The following SRRM2 variants were observed in gnomAD, a reference collection of about 807,000 sequenced individuals.
SRRM2 encodes serine/arginine repetitive matrix 2, also known as serine/arginine repetitive matrix protein 2.
In SRRM2, 30 loss-of-function variants were observed where a neutral mutation model predicts 213.8. The observed-to-expected ratio is 0.14, with a 90% CI of 0.10 to 0.19. The LOEUF (loss-of-function observed/expected upper bound fraction) is 0.19, where lower values mean the gene tolerates loss of function less well. SRRM2 is among the 10% of genes least tolerant of loss of function. The probability of loss-of-function intolerance (pLI) is 1.00; values close to 1 mark genes in which losing one functional copy is unlikely to be tolerated. For synonymous variants in SRRM2, 2,025 were observed against 1,377.7 expected (o/e 1.47, Z -10.40); for missense variants, 4,904 against 3,647.0 (o/e 1.34, Z -8.88).
rs752026541 is a variant in SRRM2 at position 2,767,566 on chromosome 16, C to T, written c.7038C>T (p.Ala2346=). 1.2e-6 allele frequency: 2 copies of T among 1,614,226 alleles called. No individual in the cohort carries two copies. Among genetic ancestry groups the T allele is most frequent in the South Asian group, 2.2e-5 (2 of 91,086 alleles). The change falls in exon 11 of 15, where the codon GCC becomes GCT. Residue 2346 remains alanine, a synonymous_variant. Coordinates refer to ENST00000301740, the MANE Select transcript of SRRM2 (RefSeq NM_016333.4). ...TGGTGGGTCCTCGGTCTGCACATGCCACAGCTCCTGTGAATATTGCCGGCT... is the reference window on the plus strand; with the variant it reads ...TGGTGGGTCCTCGGTCTGCACATGCTACAGCTCCTGTGAATATTGCCGGCT... ...ANLVGPRSAH[A]TAPVNIAGSR... is the part of the protein sequence containing the mutation.
chr16:2,758,097 AGTCACAGTGG>A, intron 4 of SRRM2, 152 bp downstream of exon 4: 2 of 896,156 alleles, frequency 2.2e-6, no homozygotes, highest in Non-Finnish European at 3.4e-6. Context: ...TCCAAGGGTT[AGTCACAGTGG>A]GTCACGCGCG....
chr16:2,764,355 A>G lies in SRRM2; in HGVS notation c.3827A>G (p.Glu1276Gly), dbSNP rs1352750577. 3.2e-5 allele frequency: 52 copies of G among 1,614,068 alleles called. No homozygotes were observed. Among genetic ancestry groups the G allele is most frequent in the Non-Finnish European group, 4.2e-5 (50 of 1,180,052 alleles). The change falls in exon 11 of 15, where the codon GAA (glutamate) becomes GGA (glycine). Residue 1276 changes from glutamate to glycine, a missense_variant. By Grantham distance (98) the Glu-to-Gly change is moderately conservative. Transcript: ENST00000301740. ...SNFESSPEVEERPAVSLTLDQ... is the reference protein window; with the variant it reads ...SNFESSPEVEGRPAVSLTLDQ... ...TTTGAATCATCTCCTGAAGTAGAAG[A>G]AAGGCCTGCTGTGTCTTTGACTCTT...
At position 2,764,069 on chromosome 16, in the gene SRRM2, C is replaced by T. The variant is rs754259861; in HGVS notation, c.3541C>T (p.Pro1181Ser). The change falls in exon 11 of 15, where the codon CCT becomes TCT. Residue 1181 changes from proline to serine, a missense_variant. Coordinates refer to ENST00000301740, the MANE Select transcript of SRRM2 (RefSeq NM_016333.4). ...TCAGGAGGATGCTACTGCATCACCT[C>T]CTAGACAGAAAGACAAATTTAGTCC... is the stretch of plus-strand genomic sequence containing the variant. ...PPQEDATASP[P>S]RQKDKFSPFP... The T allele has an allele frequency of 2.5e-6, 4 of 1,614,136 alleles. No individual in the cohort carries two copies. The highest frequency in any genetic ancestry group is 1.1e-5 in the South Asian group (1 of 91,082).
rs377010387 is a variant in SRRM2, at chr16:2,756,443, C to T, written c.79C>T (p.Arg27Trp). The change falls in exon 2 of 15, where the codon CGG becomes TGG. Residue 27 changes from arginine (R) to tryptophan (W), a missense_variant. Transcript: ENST00000301740. ...CGTCCAGCGCAACCTGTCCCTGGTG[C>T]GGGGCCGCCGGGGTGAGCGGCCTGA... ...GYVQRNLSLV[R>W]GRRGERPDYK... The T allele has an allele frequency of 4.3e-5, 69 of 1,612,472 alleles. No homozygotes were observed. Among genetic ancestry groups the T allele is most frequent in the Non-Finnish European group, 5.5e-5 (65 of 1,179,436 alleles).
Position 2,765,048 on chromosome 16 carries a change from A to G in SRRM2, c.4520A>G (p.Asn1507Ser), listed in dbSNP as rs2068491269. 1 of 1,613,996 alleles carries G rather than the reference A, an allele frequency of 6.2e-7. No homozygotes were observed. The highest frequency in any genetic ancestry group is 1.3e-5 in the African/African-American group (1 of 75,032). Residue 1507 changes from asparagine to serine, a missense_variant, in exon 11 of 15, where the codon AAC becomes AGC. Physicochemically the swap from Asn to Ser is conservative, Grantham distance 46. Coordinates refer to ENST00000301740, the MANE Select transcript of SRRM2 (RefSeq NM_016333.4). ...SRSPSSPELNNKCLTPQRERS... is the reference protein window; with the variant it reads ...SRSPSSPELNSKCLTPQRERS... ...TCTCCATCATCCCCAGAGCTCAACA[A>G]CAAGTGTCTTACCCCCCAGAGAGAA... is the stretch of plus-strand genomic sequence containing the variant.
In SRRM2 at chr16:2,771,246, C is replaced by A; in HGVS notation, c.*379C>A. 1.4e-6 allele frequency: 1 copy of A among 722,854 alleles called. No homozygotes were observed. The highest frequency in any genetic ancestry group is 2.4e-6 in the Non-Finnish European group (1 of 415,856). The allele number at this position is 722,854 out of a possible 1,614,324, so 44.8% of individuals were successfully genotyped here. On this transcript the variant is annotated 3_prime_UTR_variant, in exon 15 of 15. Transcript: ENST00000301740. ...GGGACTGGAGGTTGTATAAGGTGTT[C>A]TTGGAAGGAAGGGGCAGGAGTTGGA... is the stretch of plus-strand genomic sequence containing the variant.
Position 2,766,261 on chromosome 16 carries a change from C to G in SRRM2, c.5733C>G (p.Ser1911=), listed in dbSNP as rs2068538790. ...GGACTTCAGTGACTCGACGAAGATC[C>G]CGGTCAAGAGCATCCCCAGTGAGCA... ...RSRTSVTRRR[S]RSRASPVSRR... is the part of the protein sequence containing the mutation. Residue 1911 remains serine (S), a synonymous_variant, in exon 11 of 15, where the codon TCC becomes TCG. Transcript: ENST00000301740. The surrounding 1 kb of genome is among the most constrained non-coding windows in gnomAD (Gnocchi z 7.0). The G allele has an allele frequency of 6.2e-7, 1 of 1,614,142 alleles. No individual in the cohort carries two copies. Among genetic ancestry groups the G allele is most frequent in the Non-Finnish European group, 8.5e-7 (1 of 1,180,034 alleles).
chr16:2,762,024 C>T lies in SRRM2; in HGVS notation c.1496C>T (p.Thr499Ile), dbSNP rs369444868. 3 of 1,614,122 alleles carry T rather than the reference C, an allele frequency of 1.9e-6. No homozygotes were observed. The African/African-American group carries it at 4.0e-5, about 22-fold the overall frequency. Reference sequence around the variant, plus strand: ...AAGAGAGGGCGATCTCGGTCTCGAACCCCTACCAAGAGAGGTCATTCTCGA... The same window carrying T: ...AAGAGAGGGCGATCTCGGTCTCGAATCCCTACCAAGAGAGGTCATTCTCGA... Reference protein sequence around the residue: ...TAKRGRSRSRTPTKRGHSRSR... With the variant: ...TAKRGRSRSRIPTKRGHSRSR... The change falls in exon 11 of 15, where the codon ACC becomes ATC. Residue 499 changes from threonine (T) to isoleucine (I), a missense_variant. By Grantham distance (89) the Thr-to-Ile change is moderately conservative. Transcript: ENST00000301740.
Position 2,763,261 on chromosome 16 carries a change from G to A in SRRM2, c.2733G>A (p.Arg911=), listed in dbSNP as rs750444966. The part of the protein sequence containing the change: ...SSTPPRQSPS[R]SSSPQPKVKA... ...CACCTCCCAGACAGAGCCCATCTAG[G>A]TCATCATCTCCACAACCCAAAGTGA... Residue 911 remains arginine, a synonymous_variant, in exon 11 of 15, where the codon AGG becomes AGA. Transcript: ENST00000301740. 1.9e-6 allele frequency: 3 copies of A among 1,613,840 alleles called. 1 individual carries two copies. The highest frequency in any genetic ancestry group is 2.7e-5 in the African/African-American group (2 of 74,830).
At position 2,766,970 on chromosome 16, in the gene SRRM2, G is replaced by C. The variant is rs201020156; in HGVS notation, c.6442G>C (p.Val2148Leu). ...PLGSSRTPMS[V>L]LQQAGGSMMD... is the part of the protein sequence containing the mutation. Reference sequence around the variant, plus strand: ...TGGCAGCTCTAGAACACCCATGTCTGTCCTGCAGCAAGCCGGCGGCTCCAT... The same window carrying C: ...TGGCAGCTCTAGAACACCCATGTCTCTCCTGCAGCAAGCCGGCGGCTCCAT... The change falls in exon 11 of 15, where the codon GTC (valine) becomes CTC (leucine). Residue 2148 changes from valine to leucine, a missense_variant. By Grantham distance (32) the Val-to-Leu change is conservative (BLOSUM62 1). Coordinates refer to ENST00000301740, the MANE Select transcript of SRRM2 (RefSeq NM_016333.4). The surrounding 1 kb of genome is among the most constrained non-coding windows in gnomAD (Gnocchi z 7.0). 33 of 1,614,080 alleles carry C rather than the reference G, an allele frequency of 2.0e-5. No individual in the cohort carries two copies. The highest frequency in any genetic ancestry group is 2.7e-5 in the Non-Finnish European group (32 of 1,180,026).
rs2068479364 is a variant in SRRM2, at chr16:2,764,702, G to C, written c.4174G>C (p.Glu1392Gln). The change falls in exon 11 of 15, where the codon GAA becomes CAA. Residue 1392 changes from glutamate (E) to glutamine (Q), a missense_variant. Glu to Gln is a conservative substitution (Grantham distance 29). Transcript: ENST00000301740. ...TTCTGAGTTATCCCCAGATGCAGTG[G>C]AAAAGGCAGGGATGTCTTCAAATCA... is the stretch of plus-strand genomic sequence containing the variant. Reference protein sequence around the residue: ...SSSELSPDAVEKAGMSSNQSI... With the variant: ...SSSELSPDAVQKAGMSSNQSI... 6.2e-7 allele frequency: 1 copy of C among 1,613,956 alleles called. No homozygotes were observed.
At chr16:2,754,371 C>T (rs2068066584) in intron 1 of SRRM2, among the ~76,000 whole-genome samples, 1 of 151,972 alleles carries the variant, frequency 6.6e-6, no homozygotes, top group Non-Finnish European at 1.5e-5. Context: ...CGGCTCACTG[C>T]AACCTTCCGC....
In SRRM2 at chr16:2,767,617, C is replaced by T. The variant is rs767944396; in HGVS notation, c.7089C>T (p.Pro2363=). The change falls in exon 11 of 15, where the codon CCC becomes CCT. Residue 2363 remains proline, a synonymous_variant. Transcript: ENST00000301740. ...CCAGAACCGCCGCAGCCTTGGCCCCCGCGAGCCTCACCAGTGCTAGGATGG... is the reference window on the plus strand; with the variant it reads ...CCAGAACCGCCGCAGCCTTGGCCCCTGCGAGCCTCACCAGTGCTAGGATGG... ...AGSRTAAALA[P]ASLTSARMAP... 23 of 1,614,058 alleles carry T rather than the reference C, an allele frequency of 1.4e-5. No homozygotes were observed. The highest frequency in any genetic ancestry group is 5.5e-5 in the South Asian group (5 of 91,088).
chr16:2,771,258 G>C lies in SRRM2; in HGVS notation c.*391G>C. ...TGTATAAGGTGTTCTTGGAAGGAAG[G>C]GGCAGGAGTTGGAATTAGTTGGTCC... On this transcript the variant is annotated 3_prime_UTR_variant, in exon 15 of 15. Coordinates refer to ENST00000301740, the MANE Select transcript of SRRM2 (RefSeq NM_016333.4). The C allele has an allele frequency of 1.3e-6, 1 of 745,942 alleles. No individual in the cohort carries two copies. Among genetic ancestry groups the C allele is most frequent in the Non-Finnish European group, 2.3e-6 (1 of 430,238 alleles). The allele number at this position is 745,942 out of a possible 1,614,324, so 46.2% of individuals were successfully genotyped here. A position where few individuals can be genotyped will look rare whatever the true frequency, so the allele number is the denominator to read the frequency against.
chr16:2,766,803 C>T lies in SRRM2; in HGVS notation c.6275C>T (p.Thr2092Ile), dbSNP rs1403055969. 7 of 1,614,058 alleles carry T rather than the reference C, an allele frequency of 4.3e-6. No homozygotes were observed. The highest frequency in any genetic ancestry group is 1.7e-5 in the Admixed American group (1 of 60,002). Residue 2092 changes from threonine to isoleucine, a missense_variant, in exon 11 of 15, where the codon ACT becomes ATT. Thr to Ile is a moderately conservative substitution (Grantham distance 89). Coordinates refer to ENST00000301740, the MANE Select transcript of SRRM2 (RefSeq NM_016333.4). This position sits in a 1 kb window ranked among gnomAD's most constrained non-coding sequence, Gnocchi z 7.0. ...AGTTCTGATCGTTCACGATCTGCTA[C>T]TCCTCCAGCAACAAGAAATCATTCT... ...GSSSDRSRSATPPATRNHSGS... is the reference protein window; with the variant it reads ...GSSSDRSRSAIPPATRNHSGS...
Position 2,761,651 on chromosome 16 carries a change from G to A in SRRM2, c.1123G>A (p.Gly375Ser). Residue 375 changes from glycine (G) to serine (S), a missense_variant, in exon 11 of 15, where the codon GGC becomes AGC. Physicochemically the swap from Gly to Ser is moderately conservative, Grantham distance 56. Coordinates refer to ENST00000301740, the MANE Select transcript of SRRM2 (RefSeq NM_016333.4). ...APTPLLAERHGGSPQPLATTP... is the reference protein window; with the variant it reads ...APTPLLAERHSGSPQPLATTP... ...CACTCCGCTCCTTGCTGAGCGACAT[G>A]GCGGCTCCCCACAACCCCTTGCAAC... is the stretch of plus-strand genomic sequence containing the variant. 6.3e-7 allele frequency: 1 copy of A among 1,586,594 alleles called. No homozygotes were observed. The highest frequency in any genetic ancestry group is 8.6e-7 in the Non-Finnish European group (1 of 1,168,124).
chr16:2,753,993 G>A (rs3112682), intron 1 of SRRM2, among the ~76,000 whole-genome samples: 113,690 of 152,082 alleles, frequency 0.75, 42,967 homozygotes, highest in Admixed American at 0.82. Flanking sequence ...CTTACCACTC[G>A]GATAATTTCC....
chr16:2,766,116 G>A lies in SRRM2; in HGVS notation c.5588G>A (p.Arg1863His), dbSNP rs1001797985. 1.9e-6 allele frequency: 3 copies of A among 1,614,072 alleles called. No individual in the cohort carries two copies. The highest frequency in any genetic ancestry group is 2.2e-5 in the East Asian group (1 of 44,874). Reference sequence around the variant, plus strand: ...CGCACATCACCAGCCCCGTGGAAACGCTCTAGATCTCGAGCCTCTCCAGCC... The same window carrying A: ...CGCACATCACCAGCCCCGTGGAAACACTCTAGATCTCGAGCCTCTCCAGCC... ...RSRTSPAPWK[R>H]SRSRASPATH... The change falls in exon 11 of 15, where the codon CGC (arginine) becomes CAC (histidine). Residue 1863 changes from arginine to histidine, a missense_variant. Physicochemically the swap from Arg to His is conservative, Grantham distance 29. Coordinates refer to ENST00000301740, the MANE Select transcript of SRRM2 (RefSeq NM_016333.4). This position sits in a 1 kb window ranked among gnomAD's most constrained non-coding sequence, Gnocchi z 7.0.
Position 2,765,588 on chromosome 16 carries a change from G to A in SRRM2, c.5060G>A (p.Arg1687Gln), listed in dbSNP as rs768244831. The A allele has an allele frequency of 1.1e-5, 17 of 1,613,976 alleles. No individual in the cohort carries two copies. The highest frequency in any genetic ancestry group is 2.2e-5 in the East Asian group (1 of 44,892). The change falls in exon 11 of 15, where the codon CGA becomes CAA. Residue 1687 changes from arginine (R) to glutamine (Q), a missense_variant. By Grantham distance (43) the Arg-to-Gln change is conservative. Coordinates refer to ENST00000301740, the MANE Select transcript of SRRM2 (RefSeq NM_016333.4). The part of the protein sequence containing the change: ...EPKTKSRTPP[R>Q]RRSSRSSPEL... ...AAGACCAAGTCTCGTACACCACCTC[G>A]ACGTCGCAGCTCTCGATCATCTCCG...
Sources: gnomAD v4.1 joint callset for allele counts (sites outside exome capture counted in the v4.1 genomes callset) on GRCh38, gnomAD v4.1.1 for gene constraint, Gnocchi (gnomAD v3.1) non-coding constraint, MANE v1.5 for transcripts, NCBI Gene and HGNC (gene_info 2026-07-23, HGNC 2026-07-21) for gene names.